Variants in ASCC3 observed in about 807,000 individuals in gnomAD.
ASCC3 encodes activating signal cointegrator 1 complex subunit 3.
A neutral mutation model predicts 256.3 loss-of-function variants in ASCC3; 158 were observed. The ratio of observed to expected loss-of-function variants is 0.62; its 90% CI spans 0.54 to 0.70. ASCC3 has a LOEUF of 0.70. Ranked by LOEUF, ASCC3 falls within the 30% of genes least tolerant of loss-of-function variation. ASCC3 has a pLI of 0.00. For synonymous variants in ASCC3, 948 were observed against 883.4 expected (o/e 1.07, Z -1.30); for missense variants, 2,259 against 2,626.0 (o/e 0.86, Z 3.05).
At chr6:100,654,466 C>A (rs1313490643) in intron 17 of ASCC3, among the ~76,000 whole-genome samples, 1 of 151,940 alleles carries the variant, frequency 6.6e-6, no homozygotes, top group African/African-American at 2.4e-5. Context: ...ATGGCTTAGT[C>A]CGTAAAAATA....
At chr6:100,533,919 GC>G (rs1157425566) in intron 37 of ASCC3, among the ~76,000 whole-genome samples, 1 of 152,170 alleles carries the variant, frequency 6.6e-6, no homozygotes, top group Non-Finnish European at 1.5e-5. Flanking sequence ...AGCACAAATT[GC>G]CTCAACAAAT....
chr6:100,701,925 G>GT (rs1410896018), intron 13 of ASCC3, among the ~76,000 whole-genome samples: 1 of 152,112 alleles, frequency 6.6e-6, no homozygotes, highest in Non-Finnish European at 1.5e-5. Context: ...GAAAGAAGGC[G>GT]TGGGAGGTGG....
chr6:100,667,317 T>C (rs1346198432), intron 14 of ASCC3, among the ~76,000 whole-genome samples: 1 of 152,122 alleles, frequency 6.6e-6, no homozygotes, highest in Non-Finnish European at 1.5e-5. Flanking sequence ...CTGGGAATTA[T>C]TAAAGAGCAC....
intron 30 of ASCC3, among the ~76,000 whole-genome samples, chr6:100,608,501 TATAC>T (rs1562162680): frequency 1.3e-4 from 1 of 7,448 alleles, no homozygotes; most frequent in African/African-American, 4.4e-4. Context: ...TTTATATATA[TATAC>T]TTTATATATA....
rs1582764113 is a variant in ASCC3, at chr6:100,725,536, T to C, written c.1902+3A>G. The C allele has an allele frequency of 1.9e-6, 3 of 1,612,184 alleles. No individual in the cohort carries two copies. Among genetic ancestry groups the C allele is most frequent in the Non-Finnish European group, 2.5e-6 (3 of 1,178,700 alleles). On this transcript the variant is annotated splice_donor_region_variant and intron_variant, in intron 11 of 41. Transcript: ENST00000369162. The stretch of plus-strand genomic sequence containing the variant: ...AATAAGCTTATACATAACTTCCTCT[T>C]ACCTGCCGTAAAGTACGGGCAACTA...
intron 30 of ASCC3, among the ~76,000 whole-genome samples, chr6:100,608,050 A>T (rs1366840361): frequency 7.9e-6 from 1 of 125,960 alleles, no homozygotes; most frequent in African/African-American, 2.9e-5. Context: ...ACATACATAT[A>T]CATATATACA....
intron 4 of ASCC3, among the ~76,000 whole-genome samples, chr6:100,813,717 A>C (rs778025799): frequency 9.2e-5 from 14 of 152,028 alleles, no homozygotes; most frequent in Non-Finnish European, 1.9e-4. Context: ...GAGAGATGAA[A>C]GATAAATAAA....
intron 36 of ASCC3, among the ~76,000 whole-genome samples, chr6:100,552,214 AAG>A (rs1464589337): frequency 6.6e-6 from 1 of 151,782 alleles, no homozygotes; most frequent in Non-Finnish European, 1.5e-5. Context: ...ACTGAATTTT[AAG>A]AGTTAATTGA....
intron 8 of ASCC3, among the ~76,000 whole-genome samples, chr6:100,795,035 GATA>G (rs1312929069): frequency 6.6e-6 from 1 of 151,542 alleles, no homozygotes; most frequent in African/African-American, 2.4e-5. Flanking sequence ...ATGGGGAGCT[GATA>G]ATGAGGATAT....
intron 13 of ASCC3, among the ~76,000 whole-genome samples, chr6:100,700,427 C>T (rs1778299304): frequency 6.6e-6 from 1 of 152,064 alleles, no homozygotes; most frequent in Non-Finnish European, 1.5e-5. Flanking sequence ...AGGGTGGGAG[C>T]CTCCACACAG....
In ASCC3 at chr6:100,662,554, G is replaced by GTT; in HGVS notation, c.2287-19_2287-18insAA. 6.2e-7 allele frequency: 1 copy of GTT among 1,610,144 alleles called. No individual in the cohort carries two copies. The highest frequency in any genetic ancestry group is 8.5e-7 in the Non-Finnish European group (1 of 1,177,022). On this transcript the variant is annotated intron_variant, in intron 14 of 41. Transcript: ENST00000369162. Reference sequence around the variant, plus strand: ...CTTTGTACCTAGATACCAAGAAAGCGTAAGAGTATTATTTAGCATTTAAAA... The same window carrying GTT: ...CTTTGTACCTAGATACCAAGAAAGCGTTTAAGAGTATTATTTAGCATTTAAAA...
At chr6:100,832,993 A>G (rs1262115374) in intron 4 of ASCC3, among the ~76,000 whole-genome samples, 1 of 152,126 alleles carries the variant, frequency 6.6e-6, no homozygotes, top group African/African-American at 2.4e-5. Context: ...TAAAATATAA[A>G]GCTTAATTAA....
At chr6:100,623,436 C>G (rs936996807) in intron 30 of ASCC3, among the ~76,000 whole-genome samples, 2 of 152,148 alleles carry the variant, frequency 1.3e-5, no homozygotes, top group Admixed American at 6.6e-5. Context: ...TATCAGTTAA[C>G]TATTACACAA....
chr6:100,627,497 T>C lies in ASCC3; in HGVS notation c.4642+93A>G. ...GATATACGTAGAAGCTGGACCAGTA[T>C]CATCCTTTCAAAGAAACCAACACCA... On this transcript the variant is annotated intron_variant, in intron 29 of 41. Coordinates refer to ENST00000369162, the MANE Select transcript of ASCC3 (RefSeq NM_006828.4). 2.6e-6 allele frequency: 4 copies of C among 1,513,892 alleles called. No homozygotes were observed. The South Asian group carries it at 3.4e-5, about 13-fold the overall frequency. 93.8% of individuals were successfully genotyped at this position (1,513,892 alleles called of 1,614,324 possible). A position where few individuals can be genotyped will look rare whatever the true frequency, so the allele number is the denominator to read the frequency against.
At chr6:100,579,725 C>T (rs1771099195) in intron 36 of ASCC3, among the ~76,000 whole-genome samples, 1 of 152,108 alleles carries the variant, frequency 6.6e-6, no homozygotes, top group Non-Finnish European at 1.5e-5. Flanking sequence ...GTTTTGGTTA[C>T]TGTAGCCTTG....
intron 34 of ASCC3, among the ~76,000 whole-genome samples, chr6:100,600,139 A>C (rs1772524157): frequency 6.6e-6 from 1 of 151,858 alleles, no homozygotes. Context: ...CTTGATTCTT[A>C]TGTAATAGAA....
At chr6:100,772,625 A>C (rs759205918) in intron 8 of ASCC3, among the ~76,000 whole-genome samples, 1 of 152,186 alleles carries the variant, frequency 6.6e-6, no homozygotes, top group African/African-American at 2.4e-5. Flanking sequence ...AGAAGCTCTT[A>C]GGCAGGCCAA....
chr6:100,605,748 C>T (rs539133134), intron 32 of ASCC3, 48 bp from the exon 33 acceptor site: 3 of 1,582,064 alleles, frequency 1.9e-6, no homozygotes, highest in Non-Finnish European at 2.6e-6. Context: ...GCATATAGCA[C>T]AAGGTATATT....
At chr6:100,517,778 A>G (rs1774106407) in intron 38 of ASCC3, among the ~76,000 whole-genome samples, 1 of 152,162 alleles carries the variant, frequency 6.6e-6, no homozygotes, top group Admixed American at 6.6e-5. Flanking sequence ...TTTAGATAGG[A>G]GAAGTTTAAA....
Sources: gnomAD v4.1 joint callset for allele counts (sites outside exome capture counted in the v4.1 genomes callset) on GRCh38, gnomAD v4.1.1 for gene constraint, MANE v1.5 for transcripts, NCBI Gene and HGNC (gene_info 2026-07-23, HGNC 2026-07-21) for gene names.